QRICH1: variants seen among roughly 807,000 people sequenced by gnomAD.
QRICH1 encodes transcriptional regulator QRICH1.
Under a neutral mutation model 87.1 loss-of-function variants are expected in QRICH1, and 16 were observed. That is an observed-to-expected ratio of 0.18 (90% confidence interval 0.12 to 0.28). QRICH1 has a LOEUF of 0.28. Among genes scored for constraint, QRICH1 ranks in the 10% least tolerant of loss-of-function variants. QRICH1 has a pLI of 1.00. For missense variants in QRICH1, 647 were observed against 951.7 expected, an observed-to-expected ratio of 0.68 and a Z score of 4.21; for synonymous variants, 367 against 368.4, an observed-to-expected ratio of 1.00 and a Z score of 0.05.
intron 6 of QRICH1, among the ~76,000 whole-genome samples, chr3:49,039,457 G>A (rs566151765): frequency 1.3e-5 from 2 of 151,462 alleles, no homozygotes; most frequent in South Asian, 2.1e-4. Flanking sequence ...GAGGCGGGCC[G>A]ATCACTTGAG....
In QRICH1 at chr3:49,057,848, G is replaced by C; in HGVS notation, c.352C>G (p.Gln118Glu). ...VQQSPQQVSA[Q>E]LSPQLTVHQP... is the part of the protein sequence containing the mutation. ...TGAACGGTGAGTTGTGGGGAGAGCT[G>C]AGCCGAGACCTGTTGCGGAGACTGC... Residue 118 changes from glutamine (Q) to glutamate (E), a missense_variant, in exon 3 of 10, where the codon CAG becomes GAG. By Grantham distance (29) the Gln-to-Glu change is conservative (BLOSUM62 2). Transcript: ENST00000395443. The surrounding 1 kb of genome is among the most constrained non-coding windows in gnomAD (Gnocchi z 5.4). 6.2e-7 allele frequency: 1 copy of C among 1,614,126 alleles called. No homozygotes were observed. Among genetic ancestry groups the C allele is most frequent in the Non-Finnish European group, 8.5e-7 (1 of 1,180,038 alleles).
chr3:49,045,961 A>C (rs895602177), intron 5 of QRICH1, among the ~76,000 whole-genome samples: 1 of 149,486 alleles, frequency 6.7e-6, no homozygotes, highest in Non-Finnish European at 1.5e-5. Context: ...TGTCACCCAG[A>C]CTGGAGTAAA....
In QRICH1 at chr3:49,030,285, T is replaced by C; in HGVS notation, c.*167A>G. 1 of 664,670 alleles carries C rather than the reference T, an allele frequency of 1.5e-6. No homozygotes were observed. Among genetic ancestry groups the C allele is most frequent in the Non-Finnish European group, 2.5e-6 (1 of 406,450 alleles). 41.2% of individuals were successfully genotyped at this position (664,670 alleles called of 1,614,324 possible). A position where few individuals can be genotyped will look rare whatever the true frequency, so the allele number is the denominator to read the frequency against. On this transcript the variant is annotated 3_prime_UTR_variant, in exon 10 of 10. Transcript: ENST00000395443. ...GTCTGCCGCAGCAGGTTTATGAAGATGCAAAGGGGGCAAAGTTTTCTTTTA... is the reference window on the plus strand; with the variant it reads ...GTCTGCCGCAGCAGGTTTATGAAGACGCAAAGGGGGCAAAGTTTTCTTTTA...
intron 1 of QRICH1, among the ~76,000 whole-genome samples, chr3:49,091,577 G>C (rs1003175089): frequency 1.3e-5 from 2 of 152,210 alleles, no homozygotes; most frequent in African/African-American, 4.8e-5. Context: ...ACATAAGCTG[G>C]AGAGAGGATG....
At chr3:49,084,253 T>TTTTTTA (rs1164445705) in intron 1 of QRICH1, among the ~76,000 whole-genome samples, 2 of 151,768 alleles carry the variant, frequency 1.3e-5, no homozygotes, top group African/African-American at 2.4e-5. Flanking sequence ...GCCTAAATTC[T>TTTTTTA]TTTTTATTTT....
intron 2 of QRICH1, among the ~76,000 whole-genome samples, chr3:49,062,687 T>A (rs1190774519): frequency 6.6e-6 from 1 of 150,584 alleles, no homozygotes; most frequent in Non-Finnish European, 1.5e-5. Context: ...GTAACTTATA[T>A]CTCAATAAAG....
intron 1 of QRICH1, among the ~76,000 whole-genome samples, chr3:49,087,585 A>T (rs2042190378): frequency 1.3e-5 from 2 of 151,324 alleles, no homozygotes; most frequent in South Asian, 4.2e-4. Context: ...AAATAAAAAT[A>T]AAAAAATAGG....
chr3:49,056,780 C>T, intron 3 of QRICH1, 82 bp downstream of exon 3: 1 of 1,595,064 alleles, frequency 6.3e-7, no homozygotes, highest in African/African-American at 1.3e-5. Flanking sequence ...AGTAAATAAG[C>T]CAGAGGTTGC....
intron 3 of QRICH1, 56 bp from the exon 4 acceptor site, chr3:49,047,302 G>A (rs1055583922): frequency 9.4e-6 from 14 of 1,497,006 alleles, no homozygotes; most frequent in Admixed American, 2.0e-5. Flanking sequence ...AGATCCTTCT[G>A]CAAAATTGCC....
At chr3:49,058,966 T>C (rs1575350859) in intron 2 of QRICH1, among the ~76,000 whole-genome samples, 1 of 149,560 alleles carries the variant, frequency 6.7e-6, no homozygotes, top group Admixed American at 6.7e-5. Flanking sequence ...TCACTCTTTT[T>C]TTTTTTTTTT....
upstream of QRICH1, chr3:49,094,277 G>A (rs1309328898): frequency 1.3e-5 from 5 of 373,220 alleles, no homozygotes; most frequent in East Asian, 1.2e-4. Flanking sequence ...TAGGGCCGTG[G>A]CTTGGCCTAG....
chr3:49,065,904 C>T (rs923976967), intron 2 of QRICH1, among the ~76,000 whole-genome samples: 1 of 152,118 alleles, frequency 6.6e-6, no homozygotes, highest in African/African-American at 2.4e-5. Flanking sequence ...AGGATGGTCT[C>T]GATCTCCTGA....
chr3:49,052,390 A>G lies in QRICH1; in HGVS notation c.1338+4472T>C, dbSNP rs566722051. The stretch of plus-strand genomic sequence containing the variant: ...GCTAAGTAGGCAGCTGAATATGTGG[A>G]AAAGGTTCCAAACAGAGGAAGGCAT... On this transcript the variant is annotated intron_variant, in intron 3 of 9. Coordinates refer to ENST00000395443, the MANE Select transcript of QRICH1 (RefSeq NM_198880.3). Among the ~76,000 whole-genome samples, 10 of 152,280 alleles carry G rather than the reference A, an allele frequency of 6.6e-5. No homozygotes were observed. The South Asian group carries it at 2.1e-3, about 32-fold the overall frequency.
rs772361775 is a variant in QRICH1, at chr3:49,030,410, G to T, written c.*42C>A. 9.4e-6 allele frequency: 15 copies of T among 1,588,012 alleles called. No individual in the cohort carries two copies. Among genetic ancestry groups the T allele is most frequent in the Non-Finnish European group, 1.2e-5 (14 of 1,163,478 alleles). ...CTTCTTTAGTGTGAAAGTCTGTCTGGTTTTTCCTGGCTGGTTTCTCTTGTG... is the reference window on the plus strand; with the variant it reads ...CTTCTTTAGTGTGAAAGTCTGTCTGTTTTTTCCTGGCTGGTTTCTCTTGTG... On this transcript the variant is annotated 3_prime_UTR_variant, in exon 10 of 10. Transcript: ENST00000395443.
intron 2 of QRICH1, among the ~76,000 whole-genome samples, chr3:49,060,142 C>T (rs1279126344): frequency 6.6e-6 from 1 of 151,296 alleles, no homozygotes; most frequent in Non-Finnish European, 1.5e-5. Flanking sequence ...CTCGGCCTCC[C>T]AAAGTGCTGG....
At chr3:49,065,066 T>C (rs1281564851) in intron 2 of QRICH1, among the ~76,000 whole-genome samples, 1 of 152,044 alleles carries the variant, frequency 6.6e-6, no homozygotes, top group Non-Finnish European at 1.5e-5. Flanking sequence ...AAATAACATA[T>C]TCTCATGAAA....
intron 6 of QRICH1, among the ~76,000 whole-genome samples, chr3:49,039,690 A>G (rs1286984942): frequency 1.3e-5 from 2 of 152,148 alleles, no homozygotes; most frequent in South Asian, 2.1e-4. Context: ...GGAGAGGGGA[A>G]ACAGGTGGTG....
At chr3:49,064,532 C>T (rs535779267) in intron 2 of QRICH1, among the ~76,000 whole-genome samples, 5 of 152,062 alleles carry the variant, frequency 3.3e-5, no homozygotes, top group African/African-American at 1.2e-4. Context: ...AGATTACAGG[C>T]ATGAGCCACC....
At chr3:49,046,175 C>T (rs1472357773) in intron 5 of QRICH1, among the ~76,000 whole-genome samples, 1 of 151,786 alleles carries the variant, frequency 6.6e-6, no homozygotes, top group African/African-American at 2.4e-5. Context: ...GCCTCGGCCT[C>T]CCAAAGCGCT....
Sources: gnomAD v4.1 joint callset for allele counts (sites outside exome capture counted in the v4.1 genomes callset) on GRCh38, gnomAD v4.1.1 for gene constraint, Gnocchi (gnomAD v3.1) non-coding constraint, MANE v1.5 for transcripts, NCBI Gene and HGNC (gene_info 2026-07-23, HGNC 2026-07-21) for gene names.